PTPRD: variants seen among roughly 807,000 people sequenced by gnomAD.
The protein encoded by PTPRD is receptor-type tyrosine-protein phosphatase delta.
In PTPRD, 34 loss-of-function variants were observed where a neutral mutation model predicts 214.5. The observed-to-expected ratio is 0.16, with a 90% CI of 0.12 to 0.21. PTPRD has a LOEUF of 0.21. PTPRD is among the 10% of genes least tolerant of loss of function. The pLI is 1.00. For synonymous variants in PTPRD, 1,128 were observed against 845.7 expected, an observed-to-expected ratio of 1.33 and a Z score of -5.79; for missense variants, 2,545 against 2,398.7, an observed-to-expected ratio of 1.06 and a Z score of -1.27.
chr9:10,098,660 C>G (rs1055984133), intron 3 of PTPRD, among the ~76,000 whole-genome samples: 3 of 151,636 alleles, frequency 2.0e-5, no homozygotes, highest in Non-Finnish European at 3.0e-5. Flanking sequence ...TGGAGAAAAA[C>G]ATTAGTTACT....
chr9:8,321,526 T>TATATATATAAAA (rs1327118226), intron 44 of PTPRD, among the ~76,000 whole-genome samples: 1 of 115,762 alleles, frequency 8.6e-6, no homozygotes. Context: ...TATATATATA[T>TATATATATAAAA]AAAAGGTATA....
intron 10 of PTPRD, among the ~76,000 whole-genome samples, chr9:9,127,605 T>C (rs2099836035): frequency 6.6e-6 from 1 of 152,188 alleles, no homozygotes; most frequent in African/African-American, 2.4e-5. Context: ...GTTCTGTTTT[T>C]AACATGATAA....
chr9:9,844,682 C>T (rs955171413), intron 5 of PTPRD, among the ~76,000 whole-genome samples: 33 of 151,858 alleles, frequency 2.2e-4, no homozygotes, highest in Non-Finnish European at 3.2e-4. Context: ...TATTATTTAT[C>T]TTTTAGTGAT....
chr9:8,839,662 A>G (rs150308631), intron 11 of PTPRD, among the ~76,000 whole-genome samples: 2 of 152,326 alleles, frequency 1.3e-5, no homozygotes, highest in Admixed American at 1.3e-4. Flanking sequence ...TAGCATTATG[A>G]GCATAATCAG....
intron 35 of PTPRD, among the ~76,000 whole-genome samples, chr9:8,414,964 A>G (rs1057043189): frequency 2.0e-5 from 3 of 149,934 alleles, no homozygotes; most frequent in African/African-American, 7.4e-5. Flanking sequence ...AGAGAGAGAG[A>G]GAGAGAGAGA....
At chr9:9,243,972 C>G (rs1363920909) in intron 9 of PTPRD, among the ~76,000 whole-genome samples, 1 of 152,160 alleles carries the variant, frequency 6.6e-6, no homozygotes, top group African/African-American at 2.4e-5. Flanking sequence ...GTGCAAAAAT[C>G]ACAAGCATTC....
intron 2 of PTPRD, among the ~76,000 whole-genome samples, 182 bp downstream of exon 2, chr9:10,612,208 CAAAAAAAA>C (rs35311745): frequency 2.6e-4 from 33 of 126,746 alleles, no homozygotes; most frequent in South Asian, 7.6e-4. Context: ...AGGGCTCTTC[CAAAAAAAA>C]AAAAAAAAGA....
chr9:8,726,022 G>GACACACACAC lies in PTPRD; in HGVS notation c.64+7757_64+7758insGTGTGTGTGT, dbSNP rs772550242. On this transcript the variant is annotated intron_variant, in intron 12 of 45. Transcript: ENST00000381196. ...TTTCCACATAGCAGACAGACAGACA[G>GACACACACAC]ACAGACACACACACACACACACACA... is the stretch of plus-strand genomic sequence containing the variant. 4.6e-3 allele frequency among the ~76,000 whole-genome samples: 645 copies of GACACACACAC among 139,956 alleles called. 5 individuals are homozygous for GACACACACAC. Among genetic ancestry groups the GACACACACAC allele is most frequent in the African/African-American group, 0.017 (593 of 35,634 alleles). The allele number at this position is 139,956 out of a possible 152,430, so 91.8% of individuals were successfully genotyped here.
At chr9:9,617,407 A>C (rs1422189541) in intron 7 of PTPRD, among the ~76,000 whole-genome samples, 1 of 152,214 alleles carries the variant, frequency 6.6e-6, no homozygotes, top group Non-Finnish European at 1.5e-5. Context: ...AGACAATTAG[A>C]GTAAAGTATA....
chr9:8,337,763 T>C (rs1481269746), intron 43 of PTPRD, among the ~76,000 whole-genome samples: 2 of 152,106 alleles, frequency 1.3e-5, no homozygotes, highest in African/African-American at 2.4e-5. Flanking sequence ...TCTCTGCCAT[T>C]GGTGGGGCCT....
chr9:9,081,529 A>C lies in PTPRD; in HGVS notation c.-142-62794T>G, dbSNP rs1357646964. Among the ~76,000 whole-genome samples, 3 of 152,108 alleles carry C rather than the reference A, an allele frequency of 2.0e-5. No individual in the cohort carries two copies. In the East Asian group the frequency reaches 5.8e-4, roughly 29 times the overall value. ...ACTAGGTCTTCTTCTTCCAGAGCCGAGTACAAGTCCTGAATATCCTTGTTA... is the reference window on the plus strand; with the variant it reads ...ACTAGGTCTTCTTCTTCCAGAGCCGCGTACAAGTCCTGAATATCCTTGTTA... On this transcript the variant is annotated intron_variant, in intron 10 of 45. Transcript: ENST00000381196.
chr9:8,599,818 T>C (rs898851005), intron 14 of PTPRD, among the ~76,000 whole-genome samples: 5 of 151,930 alleles, frequency 3.3e-5, no homozygotes, highest in Admixed American at 2.6e-4. Context: ...GGCTTCTCCA[T>C]GTTGGTCAGG....
chr9:8,546,243 T>C (rs565667180), intron 14 of PTPRD, among the ~76,000 whole-genome samples: 4 of 152,182 alleles, frequency 2.6e-5, no homozygotes, highest in African/African-American at 4.8e-5. Flanking sequence ...AGCTAAAGGA[T>C]GAGAGAGCTA....
At chr9:9,683,586 G>C (rs527517893) in intron 7 of PTPRD, among the ~76,000 whole-genome samples, 1 of 151,644 alleles carries the variant, frequency 6.6e-6, no homozygotes, top group African/African-American at 2.4e-5. Context: ...AGGAAAAAGG[G>C]GACTAATAAG....
intron 44 of PTPRD, among the ~76,000 whole-genome samples, chr9:8,324,734 C>G (rs1831884281): frequency 6.6e-6 from 1 of 152,126 alleles, no homozygotes; most frequent in Non-Finnish European, 1.5e-5. Flanking sequence ...AAAAGCATTC[C>G]TATTTCTCCA....
chr9:8,637,098 A>G (rs1341062483), intron 12 of PTPRD, among the ~76,000 whole-genome samples: 2 of 152,186 alleles, frequency 1.3e-5, no homozygotes, highest in Non-Finnish European at 2.9e-5. Flanking sequence ...GTAGAGATCC[A>G]ATAACATCCG....
chr9:8,452,516 G>T (rs2096000816), intron 33 of PTPRD, among the ~76,000 whole-genome samples: 1 of 152,100 alleles, frequency 6.6e-6, no homozygotes, highest in African/African-American at 2.4e-5. Context: ...AATTTCAGAG[G>T]TCTCATCATT....
chr9:9,246,817 G>A (rs938673872), intron 9 of PTPRD, among the ~76,000 whole-genome samples: 1 of 151,924 alleles, frequency 6.6e-6, no homozygotes, highest in Admixed American at 6.6e-5. Flanking sequence ...GAAACTTCAG[G>A]AAGTTTCCTG....
At chr9:8,657,260 C>CA (rs1269355797) in intron 12 of PTPRD, among the ~76,000 whole-genome samples, 1 of 151,264 alleles carries the variant, frequency 6.6e-6, no homozygotes, top group Non-Finnish European at 1.5e-5. Flanking sequence ...CTCTGCCTCC[C>CA]GGGTTCAAGT....
Sources: gnomAD v4.1 joint callset for allele counts (sites outside exome capture counted in the v4.1 genomes callset) on GRCh38, gnomAD v4.1.1 for gene constraint, MANE v1.5 for transcripts, NCBI Gene and HGNC (gene_info 2026-07-23, HGNC 2026-07-21) for gene names.